The following SLCO2B1 variants were observed in gnomAD, a reference collection of about 807,000 sequenced individuals.
SLCO2B1 encodes OATP-RP2.
SLCO2B1 carries 41 observed loss-of-function variants against 67.3 expected under a neutral mutation model. The observed-to-expected ratio is 0.61, with a 90% CI of 0.47 to 0.79. The LOEUF (loss-of-function observed/expected upper bound fraction) is 0.79, where lower values mean the gene tolerates loss of function less well. Among genes scored for constraint, SLCO2B1 ranks in the 30% least tolerant of loss-of-function variants. The pLI is 0.00. For synonymous variants in SLCO2B1, 379 were observed against 381.4 expected, an observed-to-expected ratio of 0.99 and a Z score of 0.07; for missense variants, 837 against 920.1, an observed-to-expected ratio of 0.91 and a Z score of 1.17.
At chr11:75,175,941 A>G (rs995743781) in intron 7 of SLCO2B1, among the ~76,000 whole-genome samples, 11 of 152,042 alleles carry the variant, frequency 7.2e-5, no homozygotes, top group African/African-American at 2.7e-4. Flanking sequence ...CATGCAGGGA[A>G]TGGGAGGGGA....
intron 7 of SLCO2B1, among the ~76,000 whole-genome samples, chr11:75,184,819 G>A (rs1161737248): frequency 6.6e-6 from 1 of 152,058 alleles, no homozygotes; most frequent in Non-Finnish European, 1.5e-5. Context: ...TAGGGAAGAT[G>A]GTATTCTTTT....
intron 1 of SLCO2B1, among the ~76,000 whole-genome samples, chr11:75,155,543 G>A (rs1043504597): frequency 3.3e-5 from 5 of 152,062 alleles, no homozygotes; most frequent in African/African-American, 7.2e-5. Flanking sequence ...CTGCACCCTC[G>A]GCCTCCCAGA....
At chr11:75,163,780 C>G (rs1306891590) in intron 2 of SLCO2B1, among the ~76,000 whole-genome samples, 183 bp from the exon 3 acceptor site, 9 of 152,008 alleles carry the variant, frequency 5.9e-5, no homozygotes, top group African/African-American at 1.9e-4. Flanking sequence ...TCCCCTCCCT[C>G]CTCCTCTCCC....
intron 1 of SLCO2B1, among the ~76,000 whole-genome samples, chr11:75,154,044 G>T (rs1949719741): frequency 6.7e-6 from 1 of 150,354 alleles, no homozygotes; most frequent in African/African-American, 2.4e-5. Context: ...CCCTGCCTCA[G>T]CCTCCCGAGT....
At chr11:75,187,824 G>T (rs1022094536) in intron 7 of SLCO2B1, among the ~76,000 whole-genome samples, 2 of 152,138 alleles carry the variant, frequency 1.3e-5, no homozygotes, top group African/African-American at 2.4e-5. Flanking sequence ...TGATGATGAT[G>T]ATTATGGTGG....
Position 75,162,770 on chromosome 11 carries a change from G to T in SLCO2B1, c.132G>T (p.Val44=), listed in dbSNP as rs1280369938. The T allele has an allele frequency of 3.1e-6, 5 of 1,613,822 alleles. No homozygotes were observed. In the South Asian group the frequency reaches 5.5e-5, roughly 18 times the overall value. ...SPDPQDVRPS[V]FHNIKLFVLC... is the part of the protein sequence containing the mutation. Reference sequence around the variant, plus strand: ...ACCCTCAGGACGTGCGGCCAAGTGTGTTCCATAACATCAAGGTACCTCTCA... The same window carrying T: ...ACCCTCAGGACGTGCGGCCAAGTGTTTTCCATAACATCAAGGTACCTCTCA... The change falls in exon 2 of 14, where the codon GTG becomes GTT. Residue 44 remains valine (V), a synonymous_variant. Coordinates refer to ENST00000289575, the MANE Select transcript of SLCO2B1 (RefSeq NM_007256.5).
intron 7 of SLCO2B1, among the ~76,000 whole-genome samples, chr11:75,177,491 A>G (rs1950040713): frequency 6.6e-6 from 1 of 152,176 alleles, no homozygotes; most frequent in Admixed American, 6.5e-5. Context: ...TGCTGACTTC[A>G]GTAGGGATGG....
At chr11:75,167,942 G>T (rs1301443219) in intron 4 of SLCO2B1, among the ~76,000 whole-genome samples, 4 of 141,442 alleles carry the variant, frequency 2.8e-5, no homozygotes, top group Non-Finnish European at 6.0e-5. Context: ...CACCTAGGCT[G>T]GAGTGCAGTG....
chr11:75,167,897 T>TTC (rs1178393151), intron 4 of SLCO2B1, among the ~76,000 whole-genome samples: 12 of 146,856 alleles, frequency 8.2e-5, no homozygotes, highest in South Asian at 2.2e-4. Context: ...CTTTCTTTCT[T>TTC]TTTTTTTTTT....
At chr11:75,156,637 A>G (rs1219517106) in intron 1 of SLCO2B1, among the ~76,000 whole-genome samples, 1 of 152,180 alleles carries the variant, frequency 6.6e-6, no homozygotes, top group Non-Finnish European at 1.5e-5. Flanking sequence ...GATCTCGTGC[A>G]AGAAAGAATT....
Position 75,169,094 on chromosome 11 carries a change from A to C in SLCO2B1, c.449-79A>C. 5 of 1,185,452 alleles carry C rather than the reference A, an allele frequency of 4.2e-6. No individual in the cohort carries two copies. The East Asian group carries it at 1.3e-4, about 31-fold the overall frequency. 73.4% of individuals were successfully genotyped at this position (1,185,452 alleles called of 1,614,324 possible). On this transcript the variant is annotated intron_variant, in intron 4 of 13. Coordinates refer to ENST00000289575, the MANE Select transcript of SLCO2B1 (RefSeq NM_007256.5). ...CAAATTATTTTTATACACAGCACTTAGAACAGTACCTTCCCCCGGGGTAAG... is the reference window on the plus strand; with the variant it reads ...CAAATTATTTTTATACACAGCACTTCGAACAGTACCTTCCCCCGGGGTAAG...
Position 75,205,608 on chromosome 11 carries a change from G to A in SLCO2B1, c.*1028G>A, listed in dbSNP as rs1204254307. 1 of 152,226 alleles carries A rather than the reference G, an allele frequency of 6.6e-6. No homozygotes were observed. The highest frequency in any genetic ancestry group is 2.4e-5 in the African/African-American group (1 of 41,442). 9.4% of individuals were successfully genotyped at this position (152,226 alleles called of 1,614,324 possible). On this transcript the variant is annotated 3_prime_UTR_variant, in exon 14 of 14. Transcript: ENST00000289575. ...GGATAATGTTTAGTTCTGTGACACT[G>A]TTTTTTGGGGGTGGCACCTGGTTCT...
In SLCO2B1 at chr11:75,169,111, C is replaced by CT. The variant is rs398088919; in HGVS notation, c.449-62_449-61insT. 6.6e-6 allele frequency: 9 copies of CT among 1,356,682 alleles called. No homozygotes were observed. In the East Asian group the frequency reaches 7.4e-5, roughly 11 times the overall value. The allele number at this position is 1,356,682 out of a possible 1,614,324, so 84.0% of individuals were successfully genotyped here. A position where few individuals can be genotyped will look rare whatever the true frequency, so the allele number is the denominator to read the frequency against. ...CAGCACTTAGAACAGTACCTTCCCC[C>CT]GGGGTAAGCGCTATTTAAGTCTTAG... On this transcript the variant is annotated intron_variant, in intron 4 of 13. Transcript: ENST00000289575.
At chr11:75,159,383 G>C (rs748078034) in intron 1 of SLCO2B1, among the ~76,000 whole-genome samples, 3 of 152,202 alleles carry the variant, frequency 2.0e-5, no homozygotes, top group Non-Finnish European at 4.4e-5. Context: ...CTCTGCCCCA[G>C]GTCCCTTCAT....
intron 1 of SLCO2B1, among the ~76,000 whole-genome samples, chr11:75,156,421 G>A (rs959344148): frequency 6.6e-6 from 1 of 152,128 alleles, no homozygotes; most frequent in Non-Finnish European, 1.5e-5. Flanking sequence ...TTGGCAGGGG[G>A]ATCTGCAGGC....
In SLCO2B1 at chr11:75,165,808, G is replaced by A. The variant is rs1949882290; in HGVS notation, c.307G>A (p.Val103Met). The A allele has an allele frequency of 2.5e-6, 4 of 1,614,214 alleles. No individual in the cohort carries two copies. In the East Asian group the frequency reaches 8.9e-5, roughly 36 times the overall value. ...GCAGGTGGGGAACACAGCCTTGATT[G>A]TGTTTGTGAGCTATTTTGGCAGCCG... ...FNEVGNTALI[V>M]FVSYFGSRVH... is the part of the protein sequence containing the mutation. Residue 103 changes from valine (V) to methionine (M), a missense_variant, in exon 4 of 14, where the codon GTG (valine) becomes ATG (methionine). Transcript: ENST00000289575.
intron 3 of SLCO2B1, 134 bp from the exon 4 acceptor site, chr11:75,165,653 G>A (rs1174914450): frequency 3.0e-5 from 31 of 1,045,148 alleles, no homozygotes; most frequent in Non-Finnish European, 4.1e-5. Context: ...GGACCCAGGA[G>A]AGGGACCCAG....
At chr11:75,162,814 C>A (rs144102219) in intron 2 of SLCO2B1, 29 bp downstream of exon 2, 1 of 1,604,910 alleles carries the variant, frequency 6.2e-7, no homozygotes, top group African/African-American at 1.3e-5. Context: ...CAGGGGCCTC[C>A]GAGTCTAGAA....
In SLCO2B1 at chr11:75,165,854, T is replaced by C. The variant is rs141178021; in HGVS notation, c.353T>C (p.Ile118Thr). The change falls in exon 4 of 14, where the codon ATT becomes ACT. Residue 118 changes from isoleucine to threonine, a missense_variant. Transcript: ENST00000289575. ...AGCCGGGTGCACCGACCCCGAATGA[T>C]TGGCTATGGGGCTATCCTTGTGGCC... ...FGSRVHRPRMIGYGAILVALA... is the reference protein window; with the variant it reads ...FGSRVHRPRMTGYGAILVALA... The C allele has an allele frequency of 1.4e-5, 22 of 1,614,208 alleles. No homozygotes were observed. Among genetic ancestry groups the C allele is most frequent in the Non-Finnish European group, 1.8e-5 (21 of 1,180,010 alleles).
Sources: allele counts gnomAD v4.1 joint callset (sites outside exome capture counted in the v4.1 genomes callset), GRCh38; gene constraint gnomAD v4.1.1; transcripts MANE v1.5; gene names NCBI Gene and HGNC (gene_info 2026-07-23, HGNC 2026-07-21).